The following NTAQ1 variants were observed in gnomAD, a reference collection of about 807,000 sequenced individuals.
NTAQ1 encodes the protein protein N-terminal glutamine amidohydrolase.
In NTAQ1, 21 loss-of-function variants were observed where a neutral mutation model predicts 28.2. The ratio of observed to expected loss-of-function variants is 0.74; its 90% CI spans 0.53 to 1.07. The LOEUF is 1.07. Among genes scored for constraint, NTAQ1 ranks in the 50% least tolerant of loss-of-function variants. The probability of loss-of-function intolerance (pLI) is 0.00; values close to 1 mark genes in which losing one functional copy is unlikely to be tolerated. For synonymous variants in NTAQ1, 105 were observed against 90.0 expected, an observed-to-expected ratio of 1.17 and a Z score of -0.94; for missense variants, 264 against 256.6, an observed-to-expected ratio of 1.03 and a Z score of -0.20.
intron 1 of NTAQ1, among the ~76,000 whole-genome samples, chr8:123,419,427 A>G (rs1795179998): frequency 6.6e-6 from 1 of 151,952 alleles, no homozygotes; most frequent in Non-Finnish European, 1.5e-5. Flanking sequence ...GTTGAAATGA[A>G]TGCCTCCTGT....
At chr8:123,440,051 T>A (rs1257216555) in intron 5 of NTAQ1, among the ~76,000 whole-genome samples, 3 of 151,468 alleles carry the variant, frequency 2.0e-5, no homozygotes, top group South Asian at 2.1e-4. Context: ...TTTTTTTTTT[T>A]AATCAAGGTA....
chr8:123,449,929 A>ATGTGTGTGTGTGTG (rs368162793), downstream of NTAQ1, among the ~76,000 whole-genome samples: 138 of 66,678 alleles, frequency 2.1e-3, 5 homozygotes, highest in African/African-American at 5.3e-3. Context: ...GTATATATAT[A>ATGTGTGTGTGTGTG]TGTGTGTGTG....
At chr8:123,443,853 G>GT (rs1815170194), downstream of NTAQ1, among the ~76,000 whole-genome samples, 1 of 152,086 alleles carries the variant, frequency 6.6e-6, no homozygotes, top group Non-Finnish European at 1.5e-5. Flanking sequence ...GATTACAGGT[G>GT]TGAGCCACTG....
chr8:123,458,334 A>G (rs1815715721), intron 6 of NTAQ1, among the ~76,000 whole-genome samples: 1 of 152,032 alleles, frequency 6.6e-6, no homozygotes, highest in African/African-American at 2.4e-5. Context: ...AAGAAAAGCC[A>G]AAAGAAATTA....
At chr8:123,444,391 G>T (rs917145724), downstream of NTAQ1, among the ~76,000 whole-genome samples, 39 of 152,168 alleles carry the variant, frequency 2.6e-4, no homozygotes, top group African/African-American at 8.9e-4. Flanking sequence ...GTAGAGATGG[G>T]ATTTTACCAT....
rs1175182832 is a variant in NTAQ1 at position 123,442,042 on chromosome 8, G to A, written c.*627G>A. On this transcript the variant is annotated 3_prime_UTR_variant, in exon 6 of 6. Transcript: ENST00000287387. ...CGTTAGTTTTGTTTTGAAGATTTTT[G>A]TGTCACCCTTGATGATCTGAAATAC... The A allele has an allele frequency of 3.3e-5, 5 of 152,506 alleles. No individual in the cohort carries two copies. Among genetic ancestry groups the A allele is most frequent in the Non-Finnish European group, 5.9e-5 (4 of 68,028 alleles). The allele number at this position is 152,506 out of a possible 1,614,324, so 9.4% of individuals were successfully genotyped here.
chr8:123,442,708 A>T (rs1338041303), downstream of NTAQ1, among the ~76,000 whole-genome samples: 1 of 150,338 alleles, frequency 6.7e-6, no homozygotes, highest in African/African-American at 2.4e-5. Flanking sequence ...TTGCTCTGTC[A>T]CCCAGGCTGG....
At chr8:123,445,892 C>T (rs1815261323), downstream of NTAQ1, among the ~76,000 whole-genome samples, 1 of 152,034 alleles carries the variant, frequency 6.6e-6, no homozygotes, top group African/African-American at 2.4e-5. Flanking sequence ...AGGCGTGAGC[C>T]ACCTCACCCA....
chr8:123,449,859 TTCTCTCTCTC>T (rs112959997), downstream of NTAQ1, among the ~76,000 whole-genome samples: 31,349 of 109,594 alleles, frequency 0.29, 4,920 homozygotes, highest in South Asian at 0.42. Context: ...GCTCGCTGCT[TTCTCTCTCTC>T]TCTCTCTCTC....
At position 123,442,016 on chromosome 8, in the gene NTAQ1, A is replaced by C. The variant is rs1321652819; in HGVS notation, c.*601A>C. On this transcript the variant is annotated 3_prime_UTR_variant, in exon 6 of 6. Transcript: ENST00000287387. ...TATGGCTTTAAATAAAATCGATTTA[A>C]CGTTAGTTTTGTTTTGAAGATTTTT... 1 of 152,616 alleles carries C rather than the reference A, an allele frequency of 6.6e-6. No individual in the cohort carries two copies. Among genetic ancestry groups the C allele is most frequent in the Non-Finnish European group, 1.5e-5 (1 of 68,050 alleles). 9.5% of individuals were successfully genotyped at this position (152,616 alleles called of 1,614,324 possible).
At chr8:123,433,493 G>A (rs531204486) in intron 3 of NTAQ1, among the ~76,000 whole-genome samples, 16 of 152,140 alleles carry the variant, frequency 1.1e-4, no homozygotes, top group African/African-American at 3.6e-4. Flanking sequence ...TGTTGCCCAG[G>A]CTGGAGTGCA....
At chr8:123,433,571 CT>C (rs1446151066) in intron 3 of NTAQ1, among the ~76,000 whole-genome samples, 1 of 152,192 alleles carries the variant, frequency 6.6e-6, no homozygotes, top group African/African-American at 2.4e-5. Context: ...CCTCAGCCTC[CT>C]GAGTAGCTGG....
intron 3 of NTAQ1, chr8:123,435,469 C>G (rs954173097): frequency 1.0e-6 from 1 of 985,452 alleles, no homozygotes; most frequent in East Asian, 1.1e-4. Context: ...TCCTTTGTTA[C>G]TAGTTTGGAG....
chr8:123,431,353 A>G (rs1436142820), intron 3 of NTAQ1, among the ~76,000 whole-genome samples: 1 of 151,868 alleles, frequency 6.6e-6, no homozygotes, highest in Admixed American at 6.6e-5. Flanking sequence ...AAAAAAAAAA[A>G]AAAATAGAGT....
chr8:123,462,925 TAA>T (rs1033825632), intron 6 of NTAQ1, among the ~76,000 whole-genome samples: 52 of 152,332 alleles, frequency 3.4e-4, no homozygotes, highest in African/African-American at 1.2e-3. Context: ...TCACGTTCTG[TAA>T]AAGTCTTGGG....
chr8:123,457,852 G>A (rs549155089), intron 6 of NTAQ1, among the ~76,000 whole-genome samples: 1 of 151,470 alleles, frequency 6.6e-6, no homozygotes, highest in African/African-American at 2.4e-5. Context: ...TGACCAATAT[G>A]GTGAAACTGC....
At chr8:123,420,988 T>A (rs374246072) in intron 1 of NTAQ1, among the ~76,000 whole-genome samples, 7 of 150,726 alleles carry the variant, frequency 4.6e-5, no homozygotes, top group Admixed American at 3.3e-4. Context: ...GGTTTCACCA[T>A]GTTGGCCAAG....
chr8:123,446,158 A>AT (rs375171074), downstream of NTAQ1, among the ~76,000 whole-genome samples: 1 of 150,760 alleles, frequency 6.6e-6, no homozygotes, highest in Non-Finnish European at 1.5e-5. Context: ...CACCTGGCTA[A>AT]TTTTGTGTGT....
chr8:123,432,740 T>C (rs903646535), intron 3 of NTAQ1, among the ~76,000 whole-genome samples: 2 of 151,154 alleles, frequency 1.3e-5, no homozygotes, highest in African/African-American at 4.9e-5. Flanking sequence ...AGTGCAGTGG[T>C]GTGATCTCGG....
Sources: allele counts gnomAD v4.1 joint callset (sites outside exome capture counted in the v4.1 genomes callset), GRCh38; gene constraint gnomAD v4.1.1; transcripts MANE v1.5; gene names NCBI Gene and HGNC (gene_info 2026-07-23, HGNC 2026-07-21).